The following FSTL5 variants were observed in gnomAD, a reference collection of about 807,000 sequenced individuals.
FSTL5 encodes the protein follistatin like 5, also known as follistatin-related protein 5.
Under a neutral mutation model 89.1 loss-of-function variants are expected in FSTL5, and 62 were observed. That is an observed-to-expected ratio of 0.70 (90% CI 0.57 to 0.86). The LOEUF (loss-of-function observed/expected upper bound fraction) is 0.86. Among genes scored for constraint, FSTL5 ranks in the 40% least tolerant of loss-of-function variants. The pLI, the probability that FSTL5 is intolerant of heterozygous loss-of-function variation, is 0.00. For missense variants in FSTL5, 1,057 were observed against 1,001.6 expected (o/e 1.06, Z -0.75); for synonymous variants, 383 against 346.2 (o/e 1.11, Z -1.18).
chr4:161,557,492 T>C lies in FSTL5; in HGVS notation c.1016-14799A>G, dbSNP rs114591821. 4.3e-3 allele frequency among the ~76,000 whole-genome samples: 646 copies of C among 151,800 alleles called. 1 individual carries two copies. Among genetic ancestry groups the C allele is most frequent in the African/African-American group, 0.015 (612 of 41,528 alleles). Reference sequence around the variant, plus strand: ...TTGACAGGCATTACCATAGATAATTTTGGGAGAATAAATTGCTACAAAATT... The same window carrying C: ...TTGACAGGCATTACCATAGATAATTCTGGGAGAATAAATTGCTACAAAATT... On this transcript the variant is annotated intron_variant, in intron 8 of 15. Coordinates refer to ENST00000306100, the MANE Select transcript of FSTL5 (RefSeq NM_020116.5).
chr4:161,635,502 A>G (rs1402063878), intron 7 of FSTL5, among the ~76,000 whole-genome samples: 3 of 152,222 alleles, frequency 2.0e-5, no homozygotes, highest in Admixed American at 1.3e-4. Context: ...AAAAAAAAAA[A>G]AAATCCATCT....
intron 6 of FSTL5, among the ~76,000 whole-genome samples, chr4:161,663,958 A>G (rs1408382031): frequency 6.6e-6 from 1 of 151,794 alleles, no homozygotes; most frequent in Non-Finnish European, 1.5e-5. Flanking sequence ...TGTGGCTTCC[A>G]CTCTCTGAAT....
At chr4:162,115,012 C>T (rs910928916) in intron 1 of FSTL5, among the ~76,000 whole-genome samples, 1 of 151,950 alleles carries the variant, frequency 6.6e-6, no homozygotes, top group African/African-American at 2.4e-5. Flanking sequence ...TAAAACTAAA[C>T]AGAACTAATA....
intron 4 of FSTL5, among the ~76,000 whole-genome samples, chr4:161,897,351 CCTG>C (rs1293957551): frequency 6.6e-6 from 1 of 151,090 alleles, no homozygotes; most frequent in South Asian, 2.1e-4. Flanking sequence ...CACTAAAATT[CCTG>C]AGTTCTCTGT....
chr4:161,462,377 A>G (rs929151208), intron 13 of FSTL5, among the ~76,000 whole-genome samples: 2 of 152,232 alleles, frequency 1.3e-5, no homozygotes, highest in African/African-American at 2.4e-5. Context: ...TAACAAGAAA[A>G]CCAACGGGCT....
At chr4:161,749,526 G>A (rs185848637) in intron 6 of FSTL5, among the ~76,000 whole-genome samples, 39 of 152,222 alleles carry the variant, frequency 2.6e-4, no homozygotes, top group African/African-American at 8.4e-4. Flanking sequence ...GGCCCGGCGC[G>A]GTGGCTCACG....
At chr4:162,056,588 A>C (rs969965703) in intron 2 of FSTL5, among the ~76,000 whole-genome samples, 1 of 152,168 alleles carries the variant, frequency 6.6e-6, no homozygotes, top group Non-Finnish European at 1.5e-5. Context: ...AATATGCATA[A>C]ATACATTCCA....
rs1553971994 is a variant in FSTL5, at chr4:161,856,662, G to GTGTGTATATATA, written c.409+63741_409+63742insTATATATACACA. ...TTTATTTGCATACTTGTGTGTGTGT[G>GTGTGTATATATA]TATATATATATATATAAATATGTAT... is the stretch of plus-strand genomic sequence containing the variant. On this transcript the variant is annotated intron_variant, in intron 4 of 15. Coordinates refer to ENST00000306100, the MANE Select transcript of FSTL5 (RefSeq NM_020116.5). Among the ~76,000 whole-genome samples the GTGTGTATATATA allele has an allele frequency of 2.0e-5, 3 of 147,820 alleles. No homozygotes were observed. In the East Asian group the frequency reaches 5.9e-4, roughly 29 times the overall value.
At position 161,779,823 on chromosome 4, in the gene FSTL5, A is replaced by ATATATATATGTG. The variant is rs1560841148; in HGVS notation, c.410-3750_410-3749insCACATATATATA. ...TATATATATATATGTATATATATAT[A>ATATATATATGTG]TATATATATATATGTATATAAAATA... is the stretch of plus-strand genomic sequence containing the variant. On this transcript the variant is annotated intron_variant, in intron 4 of 15. Coordinates refer to ENST00000306100, the MANE Select transcript of FSTL5 (RefSeq NM_020116.5). Among the ~76,000 whole-genome samples the ATATATATATGTG allele has an allele frequency of 5.6e-5, 6 of 106,766 alleles. No homozygotes were observed. The East Asian group carries it at 8.3e-4, about 15-fold the overall frequency. 70.0% of individuals were successfully genotyped at this position (106,766 alleles called of 152,430 possible). A position where few individuals can be genotyped will look rare whatever the true frequency, so the allele number is the denominator to read the frequency against.
At chr4:162,052,191 T>C (rs1198304313) in intron 2 of FSTL5, among the ~76,000 whole-genome samples, 1 of 151,490 alleles carries the variant, frequency 6.6e-6, no homozygotes, top group Non-Finnish European at 1.5e-5. Flanking sequence ...TGTAAAATGA[T>C]ACATTTCTGA....
chr4:162,020,133 A>C (rs151253678), intron 3 of FSTL5, among the ~76,000 whole-genome samples: 357 of 151,982 alleles, frequency 2.3e-3, no homozygotes, highest in African/African-American at 8.2e-3. Context: ...ATAAATGAGA[A>C]AGTTTATAGC....
At chr4:161,549,301 A>G (rs1192101442) in intron 8 of FSTL5, among the ~76,000 whole-genome samples, 1 of 151,882 alleles carries the variant, frequency 6.6e-6, no homozygotes, top group East Asian at 1.9e-4. Context: ...TTGAAAATCA[A>G]AAGAATTATA....
intron 4 of FSTL5, among the ~76,000 whole-genome samples, chr4:161,856,152 A>T (rs1731714404): frequency 6.6e-6 from 1 of 152,138 alleles, no homozygotes; most frequent in Non-Finnish European, 1.5e-5. Flanking sequence ...GGAAACAGTG[A>T]TCTTAGTTCA....
intron 4 of FSTL5, among the ~76,000 whole-genome samples, chr4:161,793,947 C>T (rs915721572): frequency 1.3e-5 from 2 of 152,064 alleles, no homozygotes; most frequent in Non-Finnish European, 2.9e-5. Context: ...ACGGATATTA[C>T]ATTACTTGGT....
chr4:162,081,931 A>C (rs775467481), intron 2 of FSTL5, among the ~76,000 whole-genome samples: 1 of 151,626 alleles, frequency 6.6e-6, no homozygotes, highest in African/African-American at 2.4e-5. Context: ...AAAACATCTT[A>C]AACAAGTGAC....
intron 4 of FSTL5, among the ~76,000 whole-genome samples, chr4:161,857,666 T>G (rs1198246195): frequency 6.6e-6 from 1 of 152,144 alleles, no homozygotes; most frequent in African/African-American, 2.4e-5. Context: ...AATTATCACA[T>G]CCCCACTATG....
chr4:161,789,803 G>A (rs1729397161), intron 4 of FSTL5, among the ~76,000 whole-genome samples: 1 of 152,102 alleles, frequency 6.6e-6, no homozygotes, highest in Admixed American at 6.5e-5. Context: ...TGATATATAG[G>A]TAAATGTACA....
chr4:162,074,556 C>T (rs1402063677), intron 2 of FSTL5, among the ~76,000 whole-genome samples: 1 of 151,638 alleles, frequency 6.6e-6, no homozygotes, highest in Non-Finnish European at 1.5e-5. Flanking sequence ...CTTAATTGTT[C>T]CACCTACTGT....
intron 15 of FSTL5, among the ~76,000 whole-genome samples, chr4:161,408,519 AT>A (rs1358463284): frequency 6.6e-6 from 1 of 152,198 alleles, no homozygotes; most frequent in Non-Finnish European, 1.5e-5. Flanking sequence ...AAGTCATAGT[AT>A]CCCCTTATCC....
Sources: allele counts gnomAD v4.1 joint callset (sites outside exome capture counted in the v4.1 genomes callset), GRCh38; gene constraint gnomAD v4.1.1; transcripts MANE v1.5; gene names NCBI Gene and HGNC (gene_info 2026-07-23, HGNC 2026-07-21).